LRCH2: variants seen among roughly 807,000 people sequenced by gnomAD.
LRCH2 encodes the protein leucine-rich repeat and calponin homology domain-containing protein 2.
LRCH2 carries 38 observed loss-of-function variants against 68.9 expected under a neutral mutation model. That is an observed-to-expected ratio of 0.55 (90% CI 0.43 to 0.72). The LOEUF is 0.72. Among genes scored for constraint, LRCH2 ranks in the 30% least tolerant of loss-of-function variants. LRCH2 has a pLI of 0.00. For missense variants in LRCH2, 528 were observed against 572.9 expected, an observed-to-expected ratio of 0.92 and a Z score of 0.80; for synonymous variants, 191 against 208.1, an observed-to-expected ratio of 0.92 and a Z score of 0.71.
intron 1 of LRCH2, among the ~76,000 whole-genome samples, chrX:115,210,319 C>T (rs1217705045): frequency 9.0e-6 from 1 of 111,286 alleles, no homozygotes. Context: ...TGCCCTGTGT[C>T]CCAGCCACTC....
At chrX:115,176,302 C>G (rs1556550252) in intron 5 of LRCH2, among the ~76,000 whole-genome samples, 1 of 111,185 alleles carries the variant, frequency 9.0e-6, no homozygotes, top group African/African-American at 3.3e-5. Flanking sequence ...TACAATGGTT[C>G]CCTTTTCTCC....
At chrX:115,186,244 T>A (rs981443428) in intron 2 of LRCH2, among the ~76,000 whole-genome samples, 1 of 108,846 alleles carries the variant, frequency 9.2e-6, no homozygotes, top group African/African-American at 3.4e-5. Context: ...TTCCAACTAC[T>A]TGGGAGGCTG....
intron 3 of LRCH2, among the ~76,000 whole-genome samples, chrX:115,180,196 C>T (rs946979297): frequency 5.4e-5 from 6 of 111,202 alleles, no homozygotes; most frequent in Non-Finnish European, 1.1e-4. Context: ...TGTGCACTGG[C>T]GAAACAGACT....
chrX:115,208,612 T>A (rs967492746), intron 1 of LRCH2, among the ~76,000 whole-genome samples: 8 of 111,879 alleles, frequency 7.2e-5, no homozygotes, highest in Non-Finnish European at 1.5e-4. Flanking sequence ...AGCCACAGAT[T>A]GGTCTATCTG....
rs1476906722 is a variant in LRCH2 at position 115,161,937 on chromosome X, T to TG, written c.1463+1738_1463+1739insC. On this transcript the variant is annotated intron_variant, in intron 11 of 20. Coordinates refer to ENST00000317135, the MANE Select transcript of LRCH2 (RefSeq NM_020871.4). ...AAATGGATAGGCCTGTCGGTTTTTT[T>TG]TTTTTTTTTTTGAGATCTGTCACCC... is the stretch of plus-strand genomic sequence containing the variant. 2.9e-5 allele frequency among the ~76,000 whole-genome samples: 3 copies of TG among 103,271 alleles called. No individual in the cohort carries two copies. In the East Asian group the frequency reaches 9.1e-4, roughly 31 times the overall value. The allele number at this position is 103,271 out of a possible 115,157, so 89.7% of individuals were successfully genotyped here. A position where few individuals can be genotyped will look rare whatever the true frequency, so the allele number is the denominator to read the frequency against.
chrX:115,116,043 C>G (rs1281784930), intron 20 of LRCH2, among the ~76,000 whole-genome samples: 3 of 110,959 alleles, frequency 2.7e-5, no homozygotes, highest in African/African-American at 9.8e-5. Flanking sequence ...AAAAGGTAGA[C>G]AGTAGTAGCC....
chrX:115,176,467 T>C (rs183839202), intron 5 of LRCH2, among the ~76,000 whole-genome samples: 1 of 109,433 alleles, frequency 9.1e-6, no homozygotes, highest in East Asian at 2.9e-4. Flanking sequence ...GTATGTCTTG[T>C]TTGAAAAAAT....
At chrX:115,157,384 C>T (rs1009434012) in intron 11 of LRCH2, among the ~76,000 whole-genome samples, 2 of 109,702 alleles carry the variant, frequency 1.8e-5, no homozygotes, top group Non-Finnish European at 1.9e-5. Flanking sequence ...AATCTCCAGA[C>T]GTCAACTGCC....
chrX:115,118,207 CA>C (rs1256243563), intron 20 of LRCH2, among the ~76,000 whole-genome samples: 1 of 108,994 alleles, frequency 9.2e-6, no homozygotes, highest in Non-Finnish European at 1.9e-5. Context: ...TTTAACCCTT[CA>C]AAAAATTAAT....
chrX:115,229,859 T>G (rs2073141899), intron 1 of LRCH2, among the ~76,000 whole-genome samples: 1 of 111,765 alleles, frequency 8.9e-6, no homozygotes, highest in African/African-American at 3.3e-5. Flanking sequence ...AACCAGCACA[T>G]GTAGGAAATA....
At chrX:115,187,928 T>C (rs2072746190) in intron 2 of LRCH2, among the ~76,000 whole-genome samples, 2 of 112,966 alleles carry the variant, frequency 1.8e-5, no homozygotes, top group Admixed American at 9.3e-5. Flanking sequence ...GACCAGCAGG[T>C]AGGCATGAGC....
chrX:115,222,575 T>C (rs1302965594), intron 1 of LRCH2, among the ~76,000 whole-genome samples: 1 of 112,287 alleles, frequency 8.9e-6, no homozygotes, highest in Non-Finnish European at 1.9e-5. Flanking sequence ...CTTATAAAAA[T>C]CAATTGTATT....
intron 20 of LRCH2, among the ~76,000 whole-genome samples, chrX:115,121,508 G>A (rs1195734213): frequency 2.7e-5 from 3 of 110,919 alleles, no homozygotes; most frequent in African/African-American, 9.8e-5. Context: ...AAAATTATCT[G>A]GGTGTAGTGG....
chrX:115,131,706 G>C (rs1478642052), intron 14 of LRCH2, among the ~76,000 whole-genome samples: 2 of 111,693 alleles, frequency 1.8e-5, no homozygotes, highest in African/African-American at 6.5e-5. Flanking sequence ...GGTTGAACTA[G>C]TTTACAGTCC....
chrX:115,118,629 A>T (rs2072106021), intron 20 of LRCH2, among the ~76,000 whole-genome samples: 1 of 111,152 alleles, frequency 9.0e-6, no homozygotes, highest in Non-Finnish European at 1.9e-5. Flanking sequence ...AATTATTCCA[A>T]TCAATAGAAA....
At chrX:115,220,318 G>A (rs1455084293) in intron 1 of LRCH2, among the ~76,000 whole-genome samples, 4 of 112,269 alleles carry the variant, frequency 3.6e-5, no homozygotes, top group African/African-American at 1.3e-4. Flanking sequence ...TGTAGAAGAA[G>A]AGTATACAAT....
chrX:115,172,960 A>T (rs1395504513), intron 5 of LRCH2, among the ~76,000 whole-genome samples: 3 of 109,704 alleles, frequency 2.7e-5, no homozygotes, highest in African/African-American at 1.0e-4. Flanking sequence ...CATGTTTGAA[A>T]CCTTTTTCTA....
At position 115,191,845 on chromosome X, in the gene LRCH2, G is replaced by T. The variant is rs1164998313; in HGVS notation, c.350-3475C>A. ...CCGCTCACCCAATGCCTACAGCGGG[G>T]GCCACAACAGTTCCAGCCGGAACGA... On this transcript the variant is annotated intron_variant, in intron 1 of 20. Coordinates refer to ENST00000317135, the MANE Select transcript of LRCH2 (RefSeq NM_020871.4). 5.2e-6 allele frequency: 6 copies of T among 1,151,564 alleles called. No homozygotes were observed. The African/African-American group carries it at 1.1e-4, about 21-fold the overall frequency. The allele number at this position is 1,151,564 out of a possible 1,213,427, so 94.9% of individuals were successfully genotyped here.
Position 115,166,242 on chromosome X carries a change from A to G in LRCH2, c.1086+13T>C, listed in dbSNP as rs1556544935. Reference sequence around the variant, plus strand: ...TTGTAAAACAGAATGGATCAGCAATAGAAAATACTCACTTCTGTTGTGGAT... The same window carrying G: ...TTGTAAAACAGAATGGATCAGCAATGGAAAATACTCACTTCTGTTGTGGAT... On this transcript the variant is annotated intron_variant, in intron 7 of 20. Coordinates refer to ENST00000317135, the MANE Select transcript of LRCH2 (RefSeq NM_020871.4). 8.0e-6 allele frequency: 9 copies of G among 1,129,884 alleles called. No homozygotes were observed. Among genetic ancestry groups the G allele is most frequent in the Non-Finnish European group, 1.1e-5 (9 of 828,594 alleles). 93.1% of individuals were successfully genotyped at this position (1,129,884 alleles called of 1,213,427 possible). A position where few individuals can be genotyped will look rare whatever the true frequency, so the allele number is the denominator to read the frequency against.
Sources: gnomAD v4.1 joint callset for allele counts (sites outside exome capture counted in the v4.1 genomes callset) on GRCh38, gnomAD v4.1.1 for gene constraint, MANE v1.5 for transcripts, NCBI Gene and HGNC (gene_info 2026-07-23, HGNC 2026-07-21) for gene names.